Variants in ATOSB observed in about 807,000 individuals in gnomAD.
ATOSB encodes atos homolog B.
the ATOSB span, chr9:35,107,773 G>T: frequency 6.4e-7 from 1 of 1,563,188 alleles, no homozygotes. Context: ...AGGGACCCCT[G>T]TCCCCCTGGA....
At chr9:35,108,155 C>T in the ATOSB span, 3 of 1,580,308 alleles carry the variant, frequency 1.9e-6, no homozygotes, top group African/African-American at 1.4e-5. Context: ...ATGTCGCCCC[C>T]CCTGCTGGGC....
the ATOSB span, among the ~76,000 whole-genome samples, chr9:35,112,105 C>A: frequency 0.51 from 76,904 of 152,052 alleles, 22,614 homozygotes; most frequent in Non-Finnish European, 0.66. Context: ...AAGCTTCCTC[C>A]ATGCCAGAGA....
At chr9:35,108,392 G>A in the ATOSB span, 1 of 1,416,478 alleles carries the variant, frequency 7.1e-7, no homozygotes, top group South Asian at 1.5e-5. Context: ...GGGAATCAAT[G>A]AGTCTTCTTC....
the ATOSB span, chr9:35,105,594 GA>G: frequency 7.3e-7 from 1 of 1,376,206 alleles, no homozygotes. This position sits in a 1 kb window ranked among gnomAD's most constrained non-coding sequence, Gnocchi z 5.5. Flanking sequence ...AACTAAGCAA[GA>G]ATCCGGACAG....
chr9:35,105,038 G>A, the ATOSB span: 33 of 601,798 alleles, frequency 5.5e-5, no homozygotes, highest in African/African-American at 1.3e-4. This position sits in a 1 kb window ranked among gnomAD's most constrained non-coding sequence, Gnocchi z 5.5. Flanking sequence ...TGGAGTACCC[G>A]AAGTAGGGCA....
At chr9:35,108,145 A>C in the ATOSB span, 1 of 1,577,040 alleles carries the variant, frequency 6.3e-7, no homozygotes, top group Non-Finnish European at 8.6e-7. Context: ...ACCCCGGGGG[A>C]TGTCGCCCCC....
At chr9:35,107,120 G>A in the ATOSB span, among the ~76,000 whole-genome samples, 14 of 152,018 alleles carry the variant, frequency 9.2e-5, no homozygotes, top group African/African-American at 3.1e-4. Context: ...TCAGGAGTTC[G>A]AGACCAGCTT....
the ATOSB span, chr9:35,107,686 CT>C: frequency 1.2e-6 from 2 of 1,609,484 alleles, no homozygotes; most frequent in Non-Finnish European, 1.7e-6. Flanking sequence ...CTCTTACCCC[CT>C]ATTTGTGCAA....
the ATOSB span, chr9:35,110,521 G>C: frequency 6.6e-6 from 1 of 152,310 alleles, no homozygotes; most frequent in African/African-American, 2.4e-5. Flanking sequence ...CACCCAGCCA[G>C]TCTGGCTCTA....
At chr9:35,115,032 C>T in the ATOSB span, among the ~76,000 whole-genome samples, 1 of 144,640 alleles carries the variant, frequency 6.9e-6, no homozygotes, top group Non-Finnish European at 1.5e-5. Flanking sequence ...ACACCCAGAG[C>T]ATAAGGGCAG....
the ATOSB span, chr9:35,108,838 C>T: frequency 8.2e-6 from 2 of 244,802 alleles, no homozygotes. Context: ...ATCCTTCTCC[C>T]ATGTGAGAGG....
At chr9:35,111,568 G>A in the ATOSB span, 1 of 151,966 alleles carries the variant, frequency 6.6e-6, no homozygotes, top group African/African-American at 2.4e-5. Flanking sequence ...CTGACTCACA[G>A]GCCATTTCCT....
chr9:35,106,617 C>A, the ATOSB span: 1 of 1,558,798 alleles, frequency 6.4e-7, no homozygotes, highest in Non-Finnish European at 8.7e-7. This position sits in a 1 kb window ranked among gnomAD's most constrained non-coding sequence, Gnocchi z 4.6. Context: ...CAGGCCTGGC[C>A]CCTTCCGGAG....
chr9:35,105,273 A>C, the ATOSB span: 2 of 1,614,134 alleles, frequency 1.2e-6, no homozygotes, highest in Admixed American at 1.7e-5. The surrounding 1 kb of genome is among the most constrained non-coding windows in gnomAD (Gnocchi z 5.5). Flanking sequence ...CACAGCCTGC[A>C]GTTCGTAGGG....
chr9:35,111,551 T>A, the ATOSB span: 6 of 151,850 alleles, frequency 4.0e-5, no homozygotes, highest in East Asian at 7.8e-4. Flanking sequence ...CCGACTCCAC[T>A]GCCCCTCTGA....
the ATOSB span, among the ~76,000 whole-genome samples, chr9:35,111,885 C>T: frequency 6.6e-6 from 1 of 152,208 alleles, no homozygotes; most frequent in African/African-American, 2.4e-5. Context: ...GTAGGCCTTC[C>T]ACATCTTACC....
the ATOSB span, chr9:35,107,521 C>A: frequency 6.2e-7 from 1 of 1,600,684 alleles, no homozygotes; most frequent in East Asian, 2.2e-5. Context: ...GAGCTGACAT[C>A]TGGGGCTTCT....
At chr9:35,115,617 C>A in the ATOSB span, 1 of 134,928 alleles carries the variant, frequency 7.4e-6, no homozygotes, top group Non-Finnish European at 1.6e-5. Flanking sequence ...CTCGCAACCC[C>A]CCCACAACAA....
the ATOSB span, chr9:35,111,722 C>T: frequency 2.0e-5 from 3 of 152,512 alleles, no homozygotes; most frequent in Non-Finnish European, 4.4e-5. Flanking sequence ...TCCCCGCGAC[C>T]TCAAGTGCGA....
Sources: allele counts gnomAD v4.1 joint callset (sites outside exome capture counted in the v4.1 genomes callset), GRCh38; gene constraint gnomAD v4.1.1; non-coding constraint Gnocchi (gnomAD v3.1); transcripts MANE v1.5; gene names NCBI Gene and HGNC (gene_info 2026-07-23, HGNC 2026-07-21).